Variants in TIAM1 observed in about 807,000 individuals in gnomAD.
The protein encoded by TIAM1 is TIAM Rac1 associated GEF 1.
A neutral mutation model predicts 163.5 loss-of-function variants in TIAM1; 65 were observed. The observed-to-expected ratio is 0.40, with a 90% CI of 0.33 to 0.49. The LOEUF (loss-of-function observed/expected upper bound fraction) is 0.49, where lower values mean the gene tolerates loss of function less well. Ranked by LOEUF, TIAM1 falls within the 20% of genes least tolerant of loss-of-function variation. The pLI is 0.77. For synonymous variants in TIAM1, 833 were observed against 810.1 expected, an observed-to-expected ratio of 1.03 and a Z score of -0.48; for missense variants, 1,789 against 2,044.7, an observed-to-expected ratio of 0.87 and a Z score of 2.41.
rs542742933 is a variant in TIAM1 at position 31,168,096 on chromosome 21, T to A, written c.2888-3031A>T. ...GTTTCTTCCCTGAGATTCTTATTATTTTTTTTTTTTTTTGGAGACGTAGTT... is the reference window on the plus strand; with the variant it reads ...GTTTCTTCCCTGAGATTCTTATTATATTTTTTTTTTTTTGGAGACGTAGTT... On this transcript the variant is annotated intron_variant, in intron 15 of 27. Coordinates refer to ENST00000541036, the MANE Select transcript of TIAM1 (RefSeq NM_001353694.2). Among the ~76,000 whole-genome samples the A allele has an allele frequency of 5.8e-3, 638 of 110,594 alleles. 5 individuals carry two copies. Among genetic ancestry groups the A allele is most frequent in the African/African-American group, 0.054 (618 of 11,534 alleles). The allele number at this position is 110,594 out of a possible 152,430, so 72.6% of individuals were successfully genotyped here. A position where few individuals can be genotyped will look rare whatever the true frequency, so the allele number is the denominator to read the frequency against.
chr21:31,521,224 C>T (rs2047570620), intron 1 of TIAM1, among the ~76,000 whole-genome samples: 2 of 152,124 alleles, frequency 1.3e-5, no homozygotes, highest in Admixed American at 1.3e-4. Flanking sequence ...TATTTTATGG[C>T]CAGATAACTG....
At chr21:31,272,784 T>C (rs1239023207) in intron 3 of TIAM1, among the ~76,000 whole-genome samples, 1 of 152,170 alleles carries the variant, frequency 6.6e-6, no homozygotes, top group Non-Finnish European at 1.5e-5. Context: ...TCTAGAATAT[T>C]CTAACATAAT....
Position 31,152,705 on chromosome 21 carries a change from A to G in TIAM1, c.3297T>C (p.Leu1099=). The change falls in exon 19 of 28, where the codon CTT becomes CTC. Residue 1099 remains leucine (L), a synonymous_variant. Coordinates refer to ENST00000541036, the MANE Select transcript of TIAM1 (RefSeq NM_001353694.2). ...TEMVEFQVEF[L]KTLEDGVRLV... is the part of the protein sequence containing the mutation. ...GTCTCACTCCATCTTCTAGAGTTTT[A>G]AGGAATTCTACTTGAAACTCTACCA... 3 of 1,614,204 alleles carry G rather than the reference A, an allele frequency of 1.9e-6. No individual in the cohort carries two copies. The highest frequency in any genetic ancestry group is 1.7e-6 in the Non-Finnish European group (2 of 1,180,030).
intron 2 of TIAM1, among the ~76,000 whole-genome samples, chr21:31,295,326 TG>T (rs2074203126): frequency 6.6e-6 from 1 of 151,920 alleles, no homozygotes; most frequent in South Asian, 2.1e-4. Context: ...AAAAATTAGT[TG>T]GGCGTGGTGG....
chr21:31,338,384 G>A (rs1218155652), intron 2 of TIAM1, among the ~76,000 whole-genome samples: 1 of 152,186 alleles, frequency 6.6e-6, no homozygotes, highest in Non-Finnish European at 1.5e-5. Context: ...CCTGGTAAAG[G>A]TTAAATAATG....
At chr21:31,442,763 G>A (rs1274706800) in intron 2 of TIAM1, among the ~76,000 whole-genome samples, 1 of 152,232 alleles carries the variant, frequency 6.6e-6, no homozygotes, top group Non-Finnish European at 1.5e-5. Flanking sequence ...GGGCTCAGAG[G>A]AGCCTGACTA....
At chr21:31,489,990 G>GA (rs897868479) in intron 1 of TIAM1, among the ~76,000 whole-genome samples, 15 of 151,750 alleles carry the variant, frequency 9.9e-5, no homozygotes, top group African/African-American at 3.4e-4. Flanking sequence ...TTTGTTCTAG[G>GA]AAAAAAAAGG....
In TIAM1 at chr21:31,449,655, G is replaced by A. The variant is rs949643273; in HGVS notation, c.-369+14328C>T. On this transcript the variant is annotated intron_variant, in intron 2 of 28. Coordinates refer to the TIAM1 transcript ENST00000286827. The stretch of plus-strand genomic sequence containing the variant: ...GGCCTCCCAAAGTGCTGGCATTACA[G>A]GTGGGAGCCACTGCGCCTGGTCTGT... Among the ~76,000 whole-genome samples the A allele has an allele frequency of 2.2e-4, 33 of 152,202 alleles. 1 individual carries two copies. The highest frequency in any genetic ancestry group is 9.8e-4 in the Admixed American group (15 of 15,278).
chr21:31,473,809 C>A lies in TIAM1; in HGVS notation c.-421-9774G>T, dbSNP rs577774492. On this transcript the variant is annotated intron_variant, in intron 1 of 28. Transcript: ENST00000286827. Reference sequence around the variant, plus strand: ...ATAAGTTCCATAAAATCACTATTTTCCCCTCCTCTGTCACCTTAGCTGGTG... The same window carrying A: ...ATAAGTTCCATAAAATCACTATTTTACCCTCCTCTGTCACCTTAGCTGGTG... 2.1e-3 allele frequency among the ~76,000 whole-genome samples: 315 copies of A among 152,262 alleles called. 1 individual carries two copies. The highest frequency in any genetic ancestry group is 0.02 in the South Asian group (97 of 4,810).
intron 2 of TIAM1, among the ~76,000 whole-genome samples, chr21:31,286,277 G>C (rs1477044652): frequency 6.6e-6 from 1 of 152,034 alleles, no homozygotes; most frequent in Non-Finnish European, 1.5e-5. Flanking sequence ...ATATTTAAAG[G>C]GTCCAGGCAC....
chr21:31,358,405 G>A (rs1006143646), intron 2 of TIAM1, among the ~76,000 whole-genome samples: 2 of 152,076 alleles, frequency 1.3e-5, no homozygotes, highest in African/African-American at 4.8e-5. Context: ...TCTCATGACT[G>A]CGAATACTTT....
At chr21:31,271,325 G>A (rs1240198520) in intron 3 of TIAM1, among the ~76,000 whole-genome samples, 2 of 152,096 alleles carry the variant, frequency 1.3e-5, no homozygotes, top group African/African-American at 4.8e-5. Flanking sequence ...ATGCAACATA[G>A]GTGAGAACAT....
intron 1 of TIAM1, among the ~76,000 whole-genome samples, chr21:31,531,996 A>G (rs558655566): frequency 6.6e-6 from 1 of 152,152 alleles, no homozygotes; most frequent in South Asian, 2.1e-4. Flanking sequence ...GTGTGCCTGC[A>G]GTCCCAGCTA....
chr21:31,455,716 C>T (rs1001940554), intron 2 of TIAM1, among the ~76,000 whole-genome samples: 3 of 152,166 alleles, frequency 2.0e-5, no homozygotes, highest in African/African-American at 4.8e-5. Flanking sequence ...GATTCTGTGA[C>T]GCTGCTGCCA....
intron 2 of TIAM1, among the ~76,000 whole-genome samples, chr21:31,286,207 C>T (rs1368338284): frequency 6.6e-6 from 1 of 152,018 alleles, no homozygotes; most frequent in Non-Finnish European, 1.5e-5. Context: ...TAATCAAAGA[C>T]TAAATAAACA....
intron 2 of TIAM1, among the ~76,000 whole-genome samples, chr21:31,328,729 G>A (rs1365298004): frequency 6.6e-6 from 1 of 150,894 alleles, no homozygotes; most frequent in Non-Finnish European, 1.5e-5. Context: ...CCCCCCGACA[G>A]GCCCAGGTGT....
At chr21:31,508,249 C>T (rs1372802460) in intron 1 of TIAM1, among the ~76,000 whole-genome samples, 4 of 152,188 alleles carry the variant, frequency 2.6e-5, no homozygotes, top group Admixed American at 6.5e-5. Context: ...GCTTCCCCTC[C>T]ATGGTACTCT....
At chr21:31,233,790 G>A (rs59233884) in intron 6 of TIAM1, among the ~76,000 whole-genome samples, 2,835 of 152,254 alleles carry the variant, frequency 0.019, 97 homozygotes, top group African/African-American at 0.065. Context: ...CACCCACGCC[G>A]GGTTCATTCT....
chr21:31,266,270 A>G lies in TIAM1; in HGVS notation c.703T>C (p.Leu235=). Residue 235 remains leucine, a synonymous_variant, in exon 4 of 28, where the codon TTG becomes CTG. Transcript: ENST00000541036. The stretch of plus-strand genomic sequence containing the variant: ...ACTCCAGAGTTTTTCTGAGCATACA[A>G]GTCACCCAAGGAATTGGCTCTCTGA... The part of the protein sequence containing the change: ...TCQRANSLGD[L]YAQKNSGVTA... 1 of 1,614,212 alleles carries G rather than the reference A, an allele frequency of 6.2e-7. No individual in the cohort carries two copies.
Sources: gnomAD v4.1 joint callset for allele counts (sites outside exome capture counted in the v4.1 genomes callset) on GRCh38, gnomAD v4.1.1 for gene constraint, MANE v1.5 for transcripts, NCBI Gene and HGNC (gene_info 2026-07-23, HGNC 2026-07-21) for gene names.